The following ASNS variants were observed in gnomAD, a reference collection of about 807,000 sequenced individuals.
The protein encoded by ASNS is asparagine synthetase (glutamine-hydrolyzing).
Under a neutral mutation model 62.6 loss-of-function variants are expected in ASNS, and 37 were observed. The ratio of observed to expected loss-of-function variants is 0.59; its 90% CI spans 0.45 to 0.78. The LOEUF (loss-of-function observed/expected upper bound fraction) is 0.78, where lower values mean the gene tolerates loss of function less well. ASNS is among the 30% of genes least tolerant of loss of function. The probability of loss-of-function intolerance (pLI) is 0.00; values close to 1 mark genes in which losing one functional copy is unlikely to be tolerated. For missense variants in ASNS, 520 were observed against 682.4 expected, an observed-to-expected ratio of 0.76 and a Z score of 2.65; for synonymous variants, 207 against 237.9, an observed-to-expected ratio of 0.87 and a Z score of 1.19.
At chr7:97,900,362 A>AAAAAAAAAAAAAAAC in the ASNS span, among the ~76,000 whole-genome samples, 1 of 134,580 alleles carries the variant, frequency 7.4e-6, no homozygotes, top group African/African-American at 3.3e-5. Flanking sequence ...CTTTGTCTCA[A>AAAAAAAAAAAAAAAC]AAAAAAAAAA....
chr7:97,896,708 A>ATATATGTATATATGTG, the ASNS span, among the ~76,000 whole-genome samples: 2 of 32,910 alleles, frequency 6.1e-5, no homozygotes, highest in African/African-American at 2.1e-4. Context: ...ATGTGTATAT[A>ATATATGTATATATGTG]TATACACACA....
intron 5 of ASNS, 67 bp downstream of exon 5, chr7:97,859,146 G>A: frequency 6.5e-7 from 1 of 1,533,194 alleles, no homozygotes; most frequent in Non-Finnish European, 8.8e-7. Context: ...CAAATGATGG[G>A]AGAATACAAC....
intron 4 of ASNS, among the ~76,000 whole-genome samples, chr7:97,862,336 G>A (rs1182192313): frequency 2.0e-5 from 3 of 152,110 alleles, no homozygotes; most frequent in African/African-American, 7.2e-5. Context: ...TATACTGCTA[G>A]GTGAAAGAAG....
the ASNS span, among the ~76,000 whole-genome samples, chr7:97,896,554 G>A: frequency 7.4e-3 from 1,042 of 141,102 alleles, 21 homozygotes; most frequent in African/African-American, 0.025. Context: ...CAGAGATCAC[G>A]CCACTGCACT....
the ASNS span, among the ~76,000 whole-genome samples, chr7:97,879,389 T>A: frequency 6.6e-6 from 1 of 152,230 alleles, no homozygotes; most frequent in African/African-American, 2.4e-5. Context: ...ATTTTTGCTA[T>A]CTACTCGTCT....
the ASNS span, among the ~76,000 whole-genome samples, chr7:97,891,303 A>G: frequency 6.6e-6 from 1 of 151,094 alleles, no homozygotes; most frequent in South Asian, 2.1e-4. Context: ...TGACTCAATT[A>G]CTTCCCACCA....
chr7:97,920,968 T>A, the ASNS span, among the ~76,000 whole-genome samples: 1 of 151,960 alleles, frequency 6.6e-6, no homozygotes, highest in East Asian at 1.9e-4. Context: ...CTGTGTAAGG[T>A]GAGATCCCAA....
At chr7:97,859,902 A>G (rs1348090996) in intron 4 of ASNS, among the ~76,000 whole-genome samples, 2 of 152,370 alleles carry the variant, frequency 1.3e-5, no homozygotes, top group African/African-American at 4.8e-5. Context: ...GAAGACATCT[A>G]TCCCTTAACT....
At chr7:97,906,740 TG>T in the ASNS span, 6 of 152,498 alleles carry the variant, frequency 3.9e-5, no homozygotes, top group Non-Finnish European at 8.8e-5. Context: ...ATTGATTTGT[TG>T]TAAGAGATGG....
the ASNS span, among the ~76,000 whole-genome samples, chr7:97,896,795 A>G: frequency 8.2e-6 from 1 of 121,894 alleles, no homozygotes; most frequent in Non-Finnish European, 1.8e-5. Context: ...TAACCAAAAC[A>G]GCGTGTATTG....
the ASNS span, among the ~76,000 whole-genome samples, chr7:97,911,291 A>T: frequency 6.6e-6 from 1 of 152,268 alleles, no homozygotes; most frequent in East Asian, 1.9e-4. Flanking sequence ...TAGCTCATTA[A>T]ACTAGTCTCT....
intron 4 of ASNS, among the ~76,000 whole-genome samples, chr7:97,862,477 A>G (rs1178826983): frequency 1.3e-5 from 2 of 152,222 alleles, no homozygotes; most frequent in Non-Finnish European, 2.9e-5. Flanking sequence ...GGAGGAAAGA[A>G]TAAGTGGAGC....
At chr7:97,882,046 C>T in the ASNS span, among the ~76,000 whole-genome samples, 32 of 152,184 alleles carry the variant, frequency 2.1e-4, no homozygotes, top group African/African-American at 7.5e-4. Flanking sequence ...GAAACGAGGT[C>T]TCGTCCTGTT....
the ASNS span, among the ~76,000 whole-genome samples, chr7:97,896,741 C>CACACACAG: frequency 2.0e-4 from 4 of 19,766 alleles, no homozygotes; most frequent in African/African-American, 4.4e-4. Context: ...CACACACACA[C>CACACACAG]ATATATATAT....
In ASNS at chr7:97,861,211, A is replaced by G. The variant is rs1272056788; in HGVS notation, c.488-1813T>C. Among the ~76,000 whole-genome samples, 3 of 151,958 alleles carry G rather than the reference A, an allele frequency of 2.0e-5. No homozygotes were observed. The East Asian group carries it at 5.8e-4, about 29-fold the overall frequency. ...TAATTTTTAGTAGAGACGGGGTTTC[A>G]CTGTGTTAGCCAGGATGGTCTCGAT... On this transcript the variant is annotated intron_variant, in intron 4 of 12. Coordinates refer to ENST00000394308, the MANE Select transcript of ASNS (RefSeq NM_001673.5).
At chr7:97,913,091 G>T in the ASNS span, 3 of 151,946 alleles carry the variant, frequency 2.0e-5, no homozygotes, top group Non-Finnish European at 4.4e-5. Context: ...CAGAAGAGGA[G>T]ACTGAGGCAG....
chr7:97,867,236 CCTT>C (rs1255620148), intron 3 of ASNS, among the ~76,000 whole-genome samples: 1 of 149,620 alleles, frequency 6.7e-6, no homozygotes, highest in East Asian at 2.0e-4. Context: ...CATTCAGTCT[CCTT>C]CTACTCCCAG....
At chr7:97,863,341 A>T (rs1211277618) in intron 4 of ASNS, 2 of 152,256 alleles carry the variant, frequency 1.3e-5, no homozygotes, top group Non-Finnish European at 1.5e-5. Flanking sequence ...ACAAATCTTG[A>T]AAGCACTATA....
chr7:97,876,430 T>TA (rs1491295383), upstream of ASNS, among the ~76,000 whole-genome samples: 5 of 57,518 alleles, frequency 8.7e-5, no homozygotes, highest in African/African-American at 3.6e-4. Context: ...CTCAAACATA[T>TA]TTTTTTTTTT....
Sources: allele counts gnomAD v4.1 joint callset (sites outside exome capture counted in the v4.1 genomes callset), GRCh38; gene constraint gnomAD v4.1.1; transcripts MANE v1.5; gene names NCBI Gene and HGNC (gene_info 2026-07-23, HGNC 2026-07-21).